The following TANC2 variants were observed in gnomAD, a reference collection of about 807,000 sequenced individuals.
TANC2 encodes the protein tetratricopeptide repeat, ankyrin repeat and coiled-coil containing 2.
TANC2 carries 26 observed loss-of-function variants against 210.5 expected under a neutral mutation model. That is an observed-to-expected ratio of 0.12 (90% CI 0.09 to 0.17). The LOEUF (loss-of-function observed/expected upper bound fraction) is 0.17. Among genes scored for constraint, TANC2 ranks in the 10% least tolerant of loss-of-function variants. The pLI is 1.00. For synonymous variants in TANC2, 931 were observed against 967.1 expected (o/e 0.96, Z 0.69); for missense variants, 2,129 against 2,608.9 (o/e 0.82, Z 4.01).
chr17:63,130,803 G>A (rs757798199), intron 4 of TANC2: 2 of 152,196 alleles, frequency 1.3e-5, no homozygotes, highest in Non-Finnish European at 2.9e-5. Context: ...GATTCAGTAA[G>A]TTTAGTAAAC....
At chr17:63,269,039 A>G (rs1300806182) in intron 9 of TANC2, among the ~76,000 whole-genome samples, 1 of 152,158 alleles carries the variant, frequency 6.6e-6, no homozygotes, top group African/African-American at 2.4e-5. Flanking sequence ...TACTCTAAGC[A>G]GTATAGTGCC....
intron 11 of TANC2, among the ~76,000 whole-genome samples, chr17:63,326,250 A>G (rs1320524533): frequency 2.0e-5 from 3 of 152,272 alleles, no homozygotes; most frequent in African/African-American, 7.2e-5. Context: ...CACTTAGTGT[A>G]TGATGAAGGC....
chr17:63,419,874 G>T, intron 27 of TANC2, 125 bp from the exon 28 acceptor site: 1 of 1,165,252 alleles, frequency 8.6e-7, no homozygotes. Context: ...CAACTAAACC[G>T]AAATACCCCA....
intron 9 of TANC2, among the ~76,000 whole-genome samples, chr17:63,294,353 T>C (rs965622307): frequency 1.3e-5 from 2 of 152,090 alleles, no homozygotes; most frequent in Non-Finnish European, 2.9e-5. Flanking sequence ...GGCATGTGCC[T>C]GTGTCCCAGC....
chr17:63,334,272 A>G (rs1598877895), intron 11 of TANC2, among the ~76,000 whole-genome samples: 1 of 152,224 alleles, frequency 6.6e-6, no homozygotes, highest in East Asian at 1.9e-4. Flanking sequence ...AAATAAGTCT[A>G]GAACATCTTT....
chr17:63,216,876 A>T (rs908856434), intron 7 of TANC2, among the ~76,000 whole-genome samples: 25 of 152,234 alleles, frequency 1.6e-4, no homozygotes, highest in African/African-American at 6.0e-4. Context: ...AAACTAAACA[A>T]TGTTCTCTGA....
At chr17:63,261,725 C>T (rs982204496) in intron 8 of TANC2, among the ~76,000 whole-genome samples, 1 of 152,184 alleles carries the variant, frequency 6.6e-6, no homozygotes, top group Non-Finnish European at 1.5e-5. Context: ...TAACAAAGTC[C>T]ACCTTTTTGG....
chr17:63,100,900 T>C (rs2144918080), intron 4 of TANC2, among the ~76,000 whole-genome samples: 1 of 152,336 alleles, frequency 6.6e-6, no homozygotes, highest in East Asian at 1.9e-4. Context: ...ATGACATGTA[T>C]GAACTTTTGA....
chr17:63,304,845 G>A (rs974508923), intron 9 of TANC2, among the ~76,000 whole-genome samples: 1 of 152,228 alleles, frequency 6.6e-6, no homozygotes, highest in South Asian at 2.1e-4. Context: ...CAGGCCTGAA[G>A]AGGCACTCTG....
intron 1 of TANC2, among the ~76,000 whole-genome samples, chr17:62,982,971 T>C (rs1463254413): frequency 6.6e-6 from 1 of 152,372 alleles, no homozygotes; most frequent in East Asian, 1.9e-4. Context: ...ATGCGAATTT[T>C]AGGATTTCTT....
chr17:63,086,086 AT>A (rs1487244004), intron 3 of TANC2, among the ~76,000 whole-genome samples: 1 of 150,958 alleles, frequency 6.6e-6, no homozygotes, highest in Non-Finnish European at 1.5e-5. Flanking sequence ...TTCTGAGGAG[AT>A]ATCAGGTATA....
At chr17:63,219,836 A>C (rs948450429) in intron 7 of TANC2, among the ~76,000 whole-genome samples, 6 of 152,218 alleles carry the variant, frequency 3.9e-5, no homozygotes, top group Non-Finnish European at 8.8e-5. Flanking sequence ...AAAGAAATTA[A>C]CGACCTGATA....
chr17:63,004,201 A>T (rs532254746), intron 1 of TANC2, among the ~76,000 whole-genome samples: 19 of 152,266 alleles, frequency 1.2e-4, no homozygotes, highest in African/African-American at 4.3e-4. Flanking sequence ...TTATCTGAAG[A>T]TCCTCAACTG....
At chr17:63,147,644 C>T (rs1330472516) in intron 4 of TANC2, among the ~76,000 whole-genome samples, 1 of 152,152 alleles carries the variant, frequency 6.6e-6, no homozygotes, top group Non-Finnish European at 1.5e-5. Flanking sequence ...GACAAATTCC[C>T]AGGTGATATT....
At chr17:63,298,524 G>A (rs532821710) in intron 9 of TANC2, among the ~76,000 whole-genome samples, 2 of 152,264 alleles carry the variant, frequency 1.3e-5, no homozygotes, top group South Asian at 2.1e-4. Context: ...AGAGACGTGG[G>A]AAGGGAGCAA....
intron 11 of TANC2, among the ~76,000 whole-genome samples, chr17:63,326,538 T>C (rs1158483993): frequency 6.6e-6 from 1 of 151,944 alleles, no homozygotes; most frequent in Non-Finnish European, 1.5e-5. Context: ...TTTACCAGCC[T>C]GGGCAACATA....
chr17:63,085,648 TACTC>T lies in TANC2; in HGVS notation c.139+11637_139+11640del, dbSNP rs1004037982. Among the ~76,000 whole-genome samples, 10 of 152,216 alleles carry T rather than the reference TACTC, an allele frequency of 6.6e-5. No homozygotes were observed. In the South Asian group the frequency reaches 1.2e-3, roughly 19 times the overall value. On this transcript the variant is annotated intron_variant, in intron 3 of 27. Transcript: ENST00000689528. Reference sequence around the variant, plus strand: ...CTTATATCATTGTTGTCATTTATTTTACTCACACACACACAAGCATACATGCACA... The same window carrying T: ...CTTATATCATTGTTGTCATTTATTTTACACACACACAAGCATACATGCACA...
At chr17:63,378,893 G>A (rs2047513311) in intron 14 of TANC2, among the ~76,000 whole-genome samples, 1 of 152,194 alleles carries the variant, frequency 6.6e-6, no homozygotes, top group Admixed American at 6.5e-5. Context: ...TCCAGTTTGG[G>A]TCGTGTTGAG....
chr17:63,022,199 G>A (rs548839213), intron 2 of TANC2, among the ~76,000 whole-genome samples: 95 of 152,002 alleles, frequency 6.2e-4, no homozygotes, highest in Admixed American at 2.3e-3. Flanking sequence ...AAAGTTAGCC[G>A]GGTATGGTGG....
Sources: allele counts gnomAD v4.1 joint callset (sites outside exome capture counted in the v4.1 genomes callset), GRCh38; gene constraint gnomAD v4.1.1; transcripts MANE v1.5; gene names NCBI Gene and HGNC (gene_info 2026-07-23, HGNC 2026-07-21).